ZNF804B: variants seen among roughly 807,000 people sequenced by gnomAD.
The protein encoded by ZNF804B is zinc finger 804B.
Under a neutral mutation model 101.4 loss-of-function variants are expected in ZNF804B, and 80 were observed. The observed-to-expected ratio is 0.79, with a 90% CI of 0.66 to 0.95. ZNF804B has a LOEUF of 0.95. Among genes scored for constraint, ZNF804B ranks in the 40% least tolerant of loss-of-function variants. ZNF804B has a pLI of 0.00. For synonymous variants in ZNF804B, 622 were observed against 558.8 expected (o/e 1.11, Z -1.59); for missense variants, 1,673 against 1,561.9 (o/e 1.07, Z -1.20).
At chr7:89,090,571 A>G (rs912670649) in intron 1 of ZNF804B, among the ~76,000 whole-genome samples, 3 of 152,046 alleles carry the variant, frequency 2.0e-5, no homozygotes, top group Admixed American at 6.6e-5. Context: ...TAGTAGCCTC[A>G]TGATGATTAT....
chr7:89,336,787 C>T lies in ZNF804B; in HGVS notation c.3805C>T (p.His1269Tyr), dbSNP rs576043689. Residue 1269 changes from histidine to tyrosine, a missense_variant, in exon 4 of 4, where the codon CAT (histidine) becomes TAT (tyrosine). Coordinates refer to ENST00000333190, the MANE Select transcript of ZNF804B (RefSeq NM_181646.5). Reference sequence around the variant, plus strand: ...CACTTTCTTAGCAGGTCATCCCCTGCATTTAGTAGCTGCTACCCCCTTCCA... The same window carrying T: ...CACTTTCTTAGCAGGTCATCCCCTGTATTTAGTAGCTGCTACCCCCTTCCA... Reference protein sequence around the residue: ...HPTFLAGHPLHLVAATPFHPS... With the variant: ...HPTFLAGHPLYLVAATPFHPS... 2.5e-6 allele frequency: 4 copies of T among 1,614,076 alleles called. No homozygotes were observed. In the Admixed American group the frequency reaches 5.0e-5, roughly 20 times the overall value.
chr7:89,162,139 A>T (rs899913387), intron 1 of ZNF804B, among the ~76,000 whole-genome samples: 6 of 152,086 alleles, frequency 3.9e-5, no homozygotes, highest in Non-Finnish European at 8.8e-5. Context: ...GGCGGGGGGA[A>T]GTCTTATTGA....
At chr7:89,070,565 G>A (rs1042333193) in intron 1 of ZNF804B, among the ~76,000 whole-genome samples, 1 of 152,138 alleles carries the variant, frequency 6.6e-6, no homozygotes, top group Non-Finnish European at 1.5e-5. Flanking sequence ...TAAGTTCTCT[G>A]AGGGATGGTT....
At chr7:89,231,439 T>C (rs1789189409) in intron 2 of ZNF804B, among the ~76,000 whole-genome samples, 1 of 152,058 alleles carries the variant, frequency 6.6e-6, no homozygotes, top group African/African-American at 2.4e-5. Flanking sequence ...TCTAAGTCAT[T>C]TGAATTTTGA....
At chr7:89,164,728 C>T (rs901893497) in intron 1 of ZNF804B, among the ~76,000 whole-genome samples, 7 of 152,054 alleles carry the variant, frequency 4.6e-5, no homozygotes, top group Admixed American at 1.3e-4. Context: ...TTTCTTCTTT[C>T]ATGTTGTAAT....
intron 1 of ZNF804B, among the ~76,000 whole-genome samples, chr7:89,204,232 G>A (rs942149470): frequency 5.9e-5 from 9 of 152,126 alleles, no homozygotes; most frequent in African/African-American, 2.2e-4. Flanking sequence ...GCTACATCAG[G>A]AGTAATGGCT....
chr7:88,780,637 T>G lies in ZNF804B; in HGVS notation c.108+20553T>G, dbSNP rs185676339. Among the ~76,000 whole-genome samples the G allele has an allele frequency of 2.7e-3, 415 of 152,166 alleles. 1 individual carries two copies. Among genetic ancestry groups the G allele is most frequent in the African/African-American group, 9.5e-3 (393 of 41,522 alleles). On this transcript the variant is annotated intron_variant, in intron 1 of 3. Transcript: ENST00000333190. ...CCTGGGCTCAAGCGATCCGCCCACT[T>G]CAGCCTCCCAAAATGCTAGGATTAC...
intron 1 of ZNF804B, among the ~76,000 whole-genome samples, chr7:89,175,760 A>T (rs2115564289): frequency 6.6e-6 from 1 of 152,068 alleles, no homozygotes; most frequent in African/African-American, 2.4e-5. Context: ...ATATTTTATA[A>T]TTTTTATTGT....
chr7:89,153,454 A>C (rs1430517718), intron 1 of ZNF804B, among the ~76,000 whole-genome samples: 1 of 150,086 alleles, frequency 6.7e-6, no homozygotes, highest in South Asian at 2.1e-4. Flanking sequence ...AATAATAATA[A>C]TAATAATAAT....
intron 1 of ZNF804B, among the ~76,000 whole-genome samples, chr7:89,202,101 A>G (rs1245984473): frequency 6.6e-6 from 1 of 152,078 alleles, no homozygotes; most frequent in African/African-American, 2.4e-5. Flanking sequence ...GCACAGTAAA[A>G]TGGCACAGTA....
At chr7:89,280,631 A>G (rs1224884364) in intron 2 of ZNF804B, among the ~76,000 whole-genome samples, 2 of 152,244 alleles carry the variant, frequency 1.3e-5, no homozygotes, top group Non-Finnish European at 2.9e-5. Context: ...AAACACCTCT[A>G]TGCAAATAAA....
chr7:89,019,696 C>T (rs1562861969), intron 1 of ZNF804B, among the ~76,000 whole-genome samples: 1 of 152,028 alleles, frequency 6.6e-6, no homozygotes, highest in African/African-American at 2.4e-5. Flanking sequence ...TATCCTCTTA[C>T]TGAATTGATC....
At chr7:88,969,542 T>C (rs761849779) in intron 1 of ZNF804B, among the ~76,000 whole-genome samples, 12 of 151,616 alleles carry the variant, frequency 7.9e-5, no homozygotes, top group Non-Finnish European at 1.6e-4. Flanking sequence ...CATTTTTTTC[T>C]TCCATCCCCA....
chr7:89,114,087 C>T (rs1441196611), intron 1 of ZNF804B, among the ~76,000 whole-genome samples: 1 of 151,952 alleles, frequency 6.6e-6, no homozygotes, highest in Non-Finnish European at 1.5e-5. Flanking sequence ...GATGTTTAAA[C>T]CTTAGCCAAA....
At chr7:89,102,402 A>T (rs1232857067) in intron 1 of ZNF804B, among the ~76,000 whole-genome samples, 1 of 151,898 alleles carries the variant, frequency 6.6e-6, no homozygotes, top group Non-Finnish European at 1.5e-5. Context: ...GTATAAAATG[A>T]TATCTCAGTA....
chr7:89,222,789 G>A (rs147135351), intron 2 of ZNF804B, among the ~76,000 whole-genome samples: 2 of 151,862 alleles, frequency 1.3e-5, no homozygotes, highest in East Asian at 3.9e-4. Context: ...ATTTAACACA[G>A]AATTTTAAAA....
chr7:88,902,887 A>C (rs927397168), intron 1 of ZNF804B, among the ~76,000 whole-genome samples: 1 of 152,108 alleles, frequency 6.6e-6, no homozygotes, highest in South Asian at 2.1e-4. Context: ...AAACTATGCA[A>C]ATTTTCTGTT....
At chr7:89,130,688 G>A (rs968356924) in intron 1 of ZNF804B, among the ~76,000 whole-genome samples, 2 of 151,894 alleles carry the variant, frequency 1.3e-5, no homozygotes, top group Non-Finnish European at 2.9e-5. Context: ...CGCCTTTAAA[G>A]AATACATTGA....
In ZNF804B at chr7:89,327,555, A is replaced by G. The variant is rs375131957; in HGVS notation, c.380+81A>G. The stretch of plus-strand genomic sequence containing the variant: ...TTTTAAAGGCAAATCTACTGTAACA[A>G]TGTAAACAAATAATAACTAACTAAT... On this transcript the variant is annotated intron_variant, in intron 3 of 3. Coordinates refer to ENST00000333190, the MANE Select transcript of ZNF804B (RefSeq NM_181646.5). 2.5e-5 allele frequency: 39 copies of G among 1,530,142 alleles called. No individual in the cohort carries two copies. In the African/African-American group the frequency reaches 4.7e-4, roughly 18 times the overall value. The allele number at this position is 1,530,142 out of a possible 1,614,324, so 94.8% of individuals were successfully genotyped here.
Sources: allele counts gnomAD v4.1 joint callset (sites outside exome capture counted in the v4.1 genomes callset), GRCh38; gene constraint gnomAD v4.1.1; transcripts MANE v1.5; gene names NCBI Gene and HGNC (gene_info 2026-07-23, HGNC 2026-07-21).